LINC00632: variants seen among roughly 807,000 people sequenced by gnomAD.
The protein encoded by LINC00632 is long independently transcribed non-coding RNA 632.
chrX:140,778,318 C>A (rs1931897256), exon 5 of LINC00632, among the ~76,000 whole-genome samples: 1 of 112,313 alleles, frequency 8.9e-6, no homozygotes, highest in Non-Finnish European at 1.9e-5. Flanking sequence ...AAAGAATGAG[C>A]TGTTTTGGCT....
exon 5 of LINC00632, among the ~76,000 whole-genome samples, chrX:140,780,307 G>T (rs1463714808): frequency 9.0e-6 from 1 of 111,340 alleles, no homozygotes; most frequent in Non-Finnish European, 1.9e-5. Context: ...TCAAATTAAG[G>T]TATGCATGAT....
chrX:140,721,898 T>C (rs977025552), intron 2 of LINC00632, among the ~76,000 whole-genome samples: 23 of 110,404 alleles, frequency 2.1e-4, no homozygotes, highest in African/African-American at 7.6e-4. Context: ...CCAAAATACC[T>C]AGACCTACCC....
chrX:140,738,390 G>T (rs1039110800), intron 3 of LINC00632, among the ~76,000 whole-genome samples: 2 of 111,979 alleles, frequency 1.8e-5, no homozygotes, highest in Non-Finnish European at 3.8e-5. Context: ...ACAATATATT[G>T]TTGTAATTGT....
chrX:140,725,459 C>T (rs183844467), intron 2 of LINC00632, among the ~76,000 whole-genome samples: 284 of 103,453 alleles, frequency 2.7e-3, no homozygotes, highest in African/African-American at 9.4e-3. Context: ...AGACTCATTC[C>T]GTACACACAC....
rs1181878275 is a variant in LINC00632, at chrX:140,715,616, GAAAC to G, written n.104+3967_104+3970del. 8.7e-3 allele frequency among the ~76,000 whole-genome samples: 811 copies of G among 93,135 alleles called. 9 individuals are homozygous for G. Among genetic ancestry groups the G allele is most frequent in the African/African-American group, 0.026 (743 of 29,011 alleles). 80.9% of individuals were successfully genotyped at this position (93,135 alleles called of 115,157 possible). On this transcript the variant is annotated intron_variant and non_coding_transcript_variant, in intron 2 of 4. Transcript: ENST00000648200. ...TCTAAAAAAAAAAGAAAGAAAGAAA[GAAAC>G]AAACAAGAAAACAACAACAAAAAAC... is the stretch of plus-strand genomic sequence containing the variant.
At chrX:140,778,389 G>A (rs1027696040) in exon 5 of LINC00632, among the ~76,000 whole-genome samples, 7 of 111,290 alleles carry the variant, frequency 6.3e-5, no homozygotes, top group African/African-American at 2.0e-4. Context: ...GGCAGATCAC[G>A]AGGTCAAGAG....
intron 2 of LINC00632, among the ~76,000 whole-genome samples, chrX:140,727,465 G>T (rs1238832426): frequency 9.0e-6 from 1 of 110,896 alleles, no homozygotes; most frequent in Non-Finnish European, 1.9e-5. Flanking sequence ...CTAATTTTTG[G>T]TATTTTTAAT....
At chrX:140,747,495 A>C (rs777505681) in intron 3 of LINC00632, among the ~76,000 whole-genome samples, 1 of 96,354 alleles carries the variant, frequency 1.0e-5, no homozygotes, top group Non-Finnish European at 2.0e-5. Flanking sequence ...GCGCCATTGC[A>C]CTCCAGCCTG....
intron 3 of LINC00632, among the ~76,000 whole-genome samples, chrX:140,742,788 G>A (rs1931244979): frequency 1.0e-5 from 1 of 98,702 alleles, no homozygotes; most frequent in Non-Finnish European, 2.0e-5. Flanking sequence ...CAAAACACTC[G>A]GTGAATAGCA....
rs777271354 is a variant in LINC00632, at chrX:140,785,184, TATA to T, written n.13226_13228del. Among the ~76,000 whole-genome samples, 126 of 104,789 alleles carry T rather than the reference TATA, an allele frequency of 1.2e-3. 2 individuals carry two copies. The East Asian group carries it at 0.023, about 19-fold the overall frequency. 91.0% of individuals were successfully genotyped at this position (104,789 alleles called of 115,157 possible). A position where few individuals can be genotyped will look rare whatever the true frequency, so the allele number is the denominator to read the frequency against. On this transcript the variant is annotated non_coding_transcript_exon_variant, in exon 5 of 5. Coordinates refer to ENST00000648200, the Ensembl canonical transcript of LINC00632. ...TTACATGACCAAAGAATAATAATAA[TATA>T]ATAATAATAATAATAATAATAACAA...
intron 2 of LINC00632, among the ~76,000 whole-genome samples, chrX:140,732,802 C>T (rs1166346427): frequency 9.2e-6 from 1 of 108,132 alleles, no homozygotes; most frequent in African/African-American, 3.4e-5. Flanking sequence ...CTTGCTCTGT[C>T]ATCCAGGCTG....
intron 3 of LINC00632, among the ~76,000 whole-genome samples, chrX:140,744,421 G>A (rs1931289353): frequency 9.0e-6 from 1 of 110,614 alleles, no homozygotes. Context: ...CTTGGTTCAA[G>A]CATAAAGATG....
chrX:140,790,664 G>C (rs1264698614), exon 5 of LINC00632, among the ~76,000 whole-genome samples: 1 of 110,837 alleles, frequency 9.0e-6, no homozygotes, highest in Non-Finnish European at 1.9e-5. Flanking sequence ...AGTGGGTTTT[G>C]CATCTAGTAA....
chrX:140,778,204 T>G (rs1394942057), exon 5 of LINC00632, among the ~76,000 whole-genome samples: 1 of 112,813 alleles, frequency 8.9e-6, no homozygotes, highest in Non-Finnish European at 1.9e-5. Context: ...GTGAATGCTT[T>G]AAGTTTTCAT....
intron 3 of LINC00632, among the ~76,000 whole-genome samples, chrX:140,771,370 C>G (rs1469292115): frequency 9.4e-6 from 1 of 106,387 alleles, no homozygotes; most frequent in African/African-American, 3.6e-5. Context: ...TTAACAGTAC[C>G]TATAAATCAG....
At chrX:140,715,030 T>C (rs1481501836) in intron 2 of LINC00632, among the ~76,000 whole-genome samples, 1 of 110,709 alleles carries the variant, frequency 9.0e-6, no homozygotes, top group African/African-American at 3.3e-5. Context: ...TACCTGACAA[T>C]GTACAGCTTG....
chrX:140,765,253 A>G (rs1931668668), intron 3 of LINC00632, among the ~76,000 whole-genome samples: 1 of 110,572 alleles, frequency 9.0e-6, no homozygotes, highest in Non-Finnish European at 1.9e-5. Flanking sequence ...TTGTGTGGGA[A>G]GGGGCAGGGA....
intron 3 of LINC00632, among the ~76,000 whole-genome samples, chrX:140,739,700 C>T (rs924086976): frequency 1.8e-5 from 2 of 110,371 alleles, no homozygotes; most frequent in African/African-American, 6.6e-5. Flanking sequence ...TAACAACAGC[C>T]GTGACCAAAT....
rs1169428579 is a variant in LINC00632 at position 140,766,747 on chromosome X, CAA to C, written n.192-5329_192-5328del. Among the ~76,000 whole-genome samples the C allele has an allele frequency of 5.4e-5, 6 of 111,657 alleles. No individual in the cohort carries two copies. In the Admixed American group the frequency reaches 5.7e-4, roughly 11 times the overall value. On this transcript the variant is annotated intron_variant and non_coding_transcript_variant, in intron 3 of 4. Transcript: ENST00000648200. ...TAATTAATTATCATAAATGAAATAA[CAA>C]AGAAAGAATGTGTATGATTCTGAGT...
Sources: gnomAD v4.1 joint callset for allele counts (sites outside exome capture counted in the v4.1 genomes callset) on GRCh38, gnomAD v4.1.1 for gene constraint, MANE v1.5 for transcripts, NCBI Gene and HGNC (gene_info 2026-07-23, HGNC 2026-07-21) for gene names.